Variants in IL13RA2 observed in about 807,000 individuals in gnomAD.
The protein encoded by IL13RA2 is interleukin-13 receptor subunit alpha-2.
Under a neutral mutation model 34.1 loss-of-function variants are expected in IL13RA2, and 25 were observed. The ratio of observed to expected loss-of-function variants is 0.73; its 90% CI spans 0.53 to 1.03. The LOEUF (loss-of-function observed/expected upper bound fraction) is 1.03. Ranked by LOEUF, IL13RA2 falls within the 50% of genes least tolerant of loss-of-function variation. The pLI, the probability that IL13RA2 is intolerant of heterozygous loss-of-function variation, is 0.00. For missense variants in IL13RA2, 297 were observed against 280.9 expected, an observed-to-expected ratio of 1.06 and a Z score of -0.41; for synonymous variants, 106 against 100.4, an observed-to-expected ratio of 1.06 and a Z score of -0.33.
chrX:115,009,638 AG>A lies in IL13RA2; in HGVS notation c.734del (p.Thr245IlefsTer12). On this transcript the variant is annotated frameshift_variant, in exon 7 of 10. Coordinates refer to ENST00000243213, the MANE Select transcript of IL13RA2 (RefSeq NM_000640.3). LOFTEE classifies it high-confidence loss of function. ...TTTCACATGAACTCTCCCGAGTAAAAGTAAGATAGACTGGCGGCAAAGGTTT... is the reference window on the plus strand; with the variant it reads ...TTTCACATGAACTCTCCCGAGTAAAATAAGATAGACTGGCGGCAAAGGTTT... Reference protein sequence around the residue: ...IVKPLPPVYLTFTRESSCEIK... With the variant: ...IVKPLPPVYLXFTRESSCEIK... The A allele has an allele frequency of 8.3e-7, 1 of 1,207,112 alleles. No individual in the cohort carries two copies.
At chrX:115,005,140 G>A (rs2071679871) in intron 9 of IL13RA2, 57 bp downstream of exon 9, 1 of 613,781 alleles carries the variant, frequency 1.6e-6, no homozygotes, top group Non-Finnish European at 2.8e-6. Context: ...TCTAAGTGCA[G>A]AACATTTTAA....
At chrX:115,009,352 C>G (rs1289030043) in intron 7 of IL13RA2, among the ~76,000 whole-genome samples, 169 bp downstream of exon 7, 6 of 111,542 alleles carry the variant, frequency 5.4e-5, no homozygotes, top group Non-Finnish European at 1.1e-4. Context: ...AAATTGGTAT[C>G]ATTCATTATA....
chrX:115,009,595 T>C lies in IL13RA2; in HGVS notation c.778A>G (p.Ile260Val). 8.4e-7 allele frequency: 1 copy of C among 1,195,462 alleles called. No individual in the cohort carries two copies. The highest frequency in any genetic ancestry group is 2.2e-5 in the Admixed American group (1 of 46,036). Residue 260 changes from isoleucine to valine, a missense_variant, in exon 7 of 10, where the codon ATA (isoleucine) becomes GTA (valine). Physicochemically the swap from Ile to Val is conservative, Grantham distance 29. Transcript: ENST00000243213. ...SSCEIKLKWS[I>V]PLGPIPARCF... Reference sequence around the variant, plus strand: ...CTTGCTGGAATAGGTCCCAAAGGTATGCTCCATTTCAGCTTAATTTCACAT... The same window carrying C: ...CTTGCTGGAATAGGTCCCAAAGGTACGCTCCATTTCAGCTTAATTTCACAT...
intron 3 of IL13RA2, 44 bp from the exon 4 acceptor site, chrX:115,014,618 C>A: frequency 9.9e-7 from 1 of 1,005,768 alleles, no homozygotes; most frequent in Non-Finnish European, 1.4e-6. Flanking sequence ...TAGAAACCTC[C>A]ATGGTATAGT....
chrX:115,006,313 A>G (rs2071684868), intron 8 of IL13RA2, among the ~76,000 whole-genome samples: 2 of 111,972 alleles, frequency 1.8e-5, no homozygotes, highest in South Asian at 7.5e-4. Flanking sequence ...GAAACATCCA[A>G]TAAGAAATGT....
chrX:115,016,609 T>A lies in IL13RA2; in HGVS notation c.94+567A>T, dbSNP rs1219053434. Among the ~76,000 whole-genome samples the A allele has an allele frequency of 3.8e-5, 4 of 106,532 alleles. No homozygotes were observed. The East Asian group carries it at 1.1e-3, about 30-fold the overall frequency. 92.5% of individuals were successfully genotyped at this position (106,532 alleles called of 115,157 possible). A position where few individuals can be genotyped will look rare whatever the true frequency, so the allele number is the denominator to read the frequency against. On this transcript the variant is annotated intron_variant, in intron 2 of 9. Coordinates refer to ENST00000243213, the MANE Select transcript of IL13RA2 (RefSeq NM_000640.3). ...ACAAATAATAACTAACATATCACTA[T>A]AATATAAATATATGTATTTAATTAT...
rs373086330 is a variant in IL13RA2, at chrX:115,013,805, C to G, written c.485G>C (p.Gly162Ala). ...YLLCSWKPGI[G>A]VLLDTNYNLF... is the part of the protein sequence containing the mutation. ...GTTGTAATTGGTATCAAGAAGTACA[C>G]CTATGCCAGGTTTCCAAGAACAGAG... The change falls in exon 5 of 10, where the codon GGT becomes GCT. Residue 162 changes from glycine (G) to alanine (A), a missense_variant. By Grantham distance (60) the Gly-to-Ala change is moderately conservative (BLOSUM62 0). Coordinates refer to ENST00000243213, the MANE Select transcript of IL13RA2 (RefSeq NM_000640.3). 5.4e-5 allele frequency: 57 copies of G among 1,054,091 alleles called. No homozygotes were observed. The highest frequency in any genetic ancestry group is 8.9e-5 in the Admixed American group (4 of 44,707). 86.9% of individuals were successfully genotyped at this position (1,054,091 alleles called of 1,213,427 possible).
At chrX:115,010,493 C>T (rs782364874) in intron 6 of IL13RA2, 151 bp downstream of exon 6, 2 of 349,808 alleles carry the variant, frequency 5.7e-6, no homozygotes, top group Non-Finnish European at 1.0e-5. Flanking sequence ...TCTCATTTTT[C>T]TGTCTTTGCA....
At chrX:115,011,726 A>G (rs2071706561) in intron 5 of IL13RA2, among the ~76,000 whole-genome samples, 1 of 111,931 alleles carries the variant, frequency 8.9e-6, no homozygotes, top group Non-Finnish European at 1.9e-5. Flanking sequence ...AGTTTGGGAG[A>G]CTTCAGTTCC....
intron 5 of IL13RA2, among the ~76,000 whole-genome samples, chrX:115,011,879 G>A (rs2071707131): frequency 8.9e-6 from 1 of 112,206 alleles, no homozygotes; most frequent in African/African-American, 3.2e-5. Flanking sequence ...GTACAGGAGG[G>A]CAGAGACTTT....
At chrX:115,010,417 TTTA>T (rs2071701478) in intron 6 of IL13RA2, among the ~76,000 whole-genome samples, 1 of 111,889 alleles carries the variant, frequency 8.9e-6, no homozygotes, top group Admixed American at 9.5e-5. Flanking sequence ...TACTTTAACC[TTTA>T]TTAAATTTCT....
rs373158345 is a variant in IL13RA2, at chrX:115,004,047, A to C, written c.*33T>G. ...ATTTGGCCATGACTGGAAACTGTTGAGTCAATACCATGTCTCTTGATATGG... is the reference window on the plus strand; with the variant it reads ...ATTTGGCCATGACTGGAAACTGTTGCGTCAATACCATGTCTCTTGATATGG... On this transcript the variant is annotated 3_prime_UTR_variant, in exon 10 of 10. Transcript: ENST00000243213. The C allele has an allele frequency of 1.1e-6, 1 of 908,617 alleles. No individual in the cohort carries two copies. The highest frequency in any genetic ancestry group is 1.6e-6 in the Non-Finnish European group (1 of 627,284). The allele number at this position is 908,617 out of a possible 1,213,427, so 74.9% of individuals were successfully genotyped here.
At chrX:115,009,766 G>T (rs193272792) in intron 6 of IL13RA2, 100 bp from the exon 7 acceptor site, 4 of 680,541 alleles carry the variant, frequency 5.9e-6, no homozygotes, top group Admixed American at 5.3e-5. Context: ...AACCTCCAGG[G>T]ATAAACCAAG....
chrX:115,008,166 T>C (rs7472626), intron 7 of IL13RA2, 90 bp from the exon 8 acceptor site: 7 of 622,308 alleles, frequency 1.1e-5, no homozygotes, highest in African/African-American at 2.2e-5. Flanking sequence ...GTGGGTTTTA[T>C]TACATAAAAT....
chrX:115,015,891 C>T, intron 2 of IL13RA2, 70 bp from the exon 3 acceptor site: 1 of 707,538 alleles, frequency 1.4e-6, no homozygotes, highest in Non-Finnish European at 2.1e-6. Context: ...ATCTAGATGG[C>T]TTCCAAATGT....
intron 7 of IL13RA2, 114 bp downstream of exon 7, chrX:115,009,407 A>G (rs1602974306): frequency 5.7e-6 from 3 of 528,729 alleles, no homozygotes; most frequent in Non-Finnish European, 9.4e-6. Flanking sequence ...TTGAACTAAG[A>G]TATATGTCAT....
chrX:115,009,547 T>C lies in IL13RA2; in HGVS notation c.826A>G (p.Ile276Val), dbSNP rs782339419. ...ACCAAGGTAGTATCATCTTCTCTGA[T>C]CTCAATTTCATAATCAAAACACCTT... ...PARCFDYEIE[I>V]REDDTTLVTA... Residue 276 changes from isoleucine (I) to valine (V), a missense_variant, in exon 7 of 10, where the codon ATC becomes GTC. Coordinates refer to ENST00000243213, the MANE Select transcript of IL13RA2 (RefSeq NM_000640.3). 1 of 1,200,273 alleles carries C rather than the reference T, an allele frequency of 8.3e-7. No homozygotes were observed. Among genetic ancestry groups the C allele is most frequent in the East Asian group, 3.0e-5 (1 of 33,796 alleles).
intron 5 of IL13RA2, among the ~76,000 whole-genome samples, chrX:115,013,367 G>C (rs1243396214): frequency 2.7e-5 from 3 of 111,117 alleles, no homozygotes; most frequent in African/African-American, 9.8e-5. Context: ...AGATACACGA[G>C]TCACAATGTC....
Position 115,017,301 on chromosome X carries a change from C to A in IL13RA2, c.-32G>T. ...GAGATTTAAAACCTTGATATTGCCT[C>A]TCTATGAAGGAAAAATATAACATTT... On this transcript the variant is annotated splice_region_variant and 5_prime_UTR_variant, in exon 2 of 10. Coordinates refer to ENST00000243213, the MANE Select transcript of IL13RA2 (RefSeq NM_000640.3). 1 of 623,648 alleles carries A rather than the reference C, an allele frequency of 1.6e-6. No individual in the cohort carries two copies. The highest frequency in any genetic ancestry group is 2.4e-5 in the Admixed American group (1 of 41,891). The allele number at this position is 623,648 out of a possible 1,213,427, so 51.4% of individuals were successfully genotyped here. A position where few individuals can be genotyped will look rare whatever the true frequency, so the allele number is the denominator to read the frequency against.
Sources: allele counts gnomAD v4.1 joint callset (sites outside exome capture counted in the v4.1 genomes callset), GRCh38; gene constraint gnomAD v4.1.1; transcripts MANE v1.5; gene names NCBI Gene and HGNC (gene_info 2026-07-23, HGNC 2026-07-21).